The following MICU3 variants were observed in gnomAD, a reference collection of about 807,000 sequenced individuals.
The protein encoded by MICU3 is mitochondrial calcium uptake 3, also known as calcium uptake protein 3, mitochondrial.
In MICU3, 62 loss-of-function variants were observed where a neutral mutation model predicts 66.5. The observed-to-expected ratio is 0.93, with a 90% CI of 0.76 to 1.15. The LOEUF (loss-of-function observed/expected upper bound fraction) is 1.15, where lower values mean the gene tolerates loss of function less well. Ranked by LOEUF, MICU3 falls within the 50% of genes most tolerant of loss-of-function variation. The probability of loss-of-function intolerance (pLI) is 0.00; values close to 1 mark genes in which losing one functional copy is unlikely to be tolerated. For missense variants in MICU3, 779 were observed against 664.4 expected (o/e 1.17, Z -1.90); for synonymous variants, 308 against 240.7 (o/e 1.28, Z -2.59).
chr8:17,062,976 T>C (rs1217957538), intron 1 of MICU3, among the ~76,000 whole-genome samples: 2 of 152,140 alleles, frequency 1.3e-5, no homozygotes, highest in African/African-American at 4.8e-5. Flanking sequence ...TAGCAAAAGA[T>C]TAGAAGTCAA....
chr8:17,042,656 T>C (rs1031543701), intron 1 of MICU3, among the ~76,000 whole-genome samples: 1 of 152,208 alleles, frequency 6.6e-6, no homozygotes, highest in Non-Finnish European at 1.5e-5. Context: ...TAAAGAGTTA[T>C]TTTTCTAAAT....
intron 1 of MICU3, among the ~76,000 whole-genome samples, chr8:17,062,738 T>G (rs567055331): frequency 6.6e-6 from 1 of 152,274 alleles, no homozygotes; most frequent in East Asian, 1.9e-4. Flanking sequence ...CTAAAAAGTC[T>G]TCTTTGACTA....
At chr8:17,029,520 T>C (rs1295698462) in intron 1 of MICU3, among the ~76,000 whole-genome samples, 1 of 152,226 alleles carries the variant, frequency 6.6e-6, no homozygotes, top group Non-Finnish European at 1.5e-5. Context: ...TTTTGTACTT[T>C]TGTGCAGTTA....
chr8:17,045,264 C>G (rs1814876908), intron 1 of MICU3, among the ~76,000 whole-genome samples: 1 of 152,156 alleles, frequency 6.6e-6, no homozygotes, highest in Admixed American at 6.5e-5. Context: ...GACTCTCTCT[C>G]TCTTTCTCCT....
intron 3 of MICU3, among the ~76,000 whole-genome samples, chr8:17,072,481 A>G (rs1368221488): frequency 6.6e-6 from 1 of 151,990 alleles, no homozygotes; most frequent in Non-Finnish European, 1.5e-5. Flanking sequence ...TAAGACACAA[A>G]GCAAAACTCA....
intron 1 of MICU3, among the ~76,000 whole-genome samples, chr8:17,048,221 A>G (rs551226678): frequency 7.2e-4 from 109 of 152,358 alleles, no homozygotes; most frequent in African/African-American, 2.4e-3. Flanking sequence ...TTAATAAAAT[A>G]AAAAGAAGTC....
chr8:17,127,988 C>A, the MICU3 span, among the ~76,000 whole-genome samples: 6,936 of 152,178 alleles, frequency 0.046, 265 homozygotes, highest in East Asian at 0.17. Context: ...CACCAGGAAC[C>A]AGACCACATA....
the MICU3 span, among the ~76,000 whole-genome samples, chr8:17,135,533 T>G: frequency 2.6e-5 from 4 of 152,212 alleles, no homozygotes; most frequent in Non-Finnish European, 4.4e-5. Context: ...TTGATTCTCT[T>G]AGGTTTTCTG....
At chr8:17,129,159 C>T in the MICU3 span, among the ~76,000 whole-genome samples, 1 of 152,208 alleles carries the variant, frequency 6.6e-6, no homozygotes, top group East Asian at 1.9e-4. Flanking sequence ...CCTATCAGTA[C>T]CGCAGCTACC....
intron 8 of MICU3, among the ~76,000 whole-genome samples, chr8:17,096,615 A>G (rs1259423918): frequency 6.6e-6 from 1 of 151,888 alleles, no homozygotes; most frequent in Admixed American, 6.6e-5. Flanking sequence ...GATGTAAGAT[A>G]AAACAAAAAC....
intron 4 of MICU3, among the ~76,000 whole-genome samples, chr8:17,078,134 G>C (rs904801761): frequency 1.3e-5 from 2 of 151,512 alleles, no homozygotes; most frequent in African/African-American, 4.8e-5. Context: ...GACTTACATA[G>C]TTTAAAAAAT....
At chr8:17,095,307 T>G (rs936280780) in intron 8 of MICU3, among the ~76,000 whole-genome samples, 2 of 151,958 alleles carry the variant, frequency 1.3e-5, no homozygotes, top group African/African-American at 2.4e-5. Flanking sequence ...AAGGACTAGA[T>G]TAAGGATATA....
the MICU3 span, among the ~76,000 whole-genome samples, chr8:17,133,903 G>C: frequency 8.5e-5 from 13 of 152,142 alleles, no homozygotes; most frequent in Non-Finnish European, 1.8e-4. Context: ...GGCTGTTCTT[G>C]TAACTACATT....
At chr8:17,094,255 A>C (rs1343633909) in intron 8 of MICU3, among the ~76,000 whole-genome samples, 1 of 152,008 alleles carries the variant, frequency 6.6e-6, no homozygotes, top group Non-Finnish European at 1.5e-5. Context: ...TTTGCTGTTA[A>C]CAGTGGCTTT....
chr8:17,078,412 A>G (rs1398957888), intron 4 of MICU3, among the ~76,000 whole-genome samples: 12 of 152,058 alleles, frequency 7.9e-5, no homozygotes, highest in Admixed American at 7.9e-4. Context: ...AGCTTAATTC[A>G]TTAATTTAAA....
chr8:17,091,668 T>A (rs1337682543), intron 8 of MICU3, among the ~76,000 whole-genome samples: 1 of 152,086 alleles, frequency 6.6e-6, no homozygotes, highest in Non-Finnish European at 1.5e-5. Context: ...TCCATATAAG[T>A]AATTGTTTTG....
intron 1 of MICU3, among the ~76,000 whole-genome samples, chr8:17,062,839 A>T (rs1042811739): frequency 2.8e-4 from 42 of 151,480 alleles, no homozygotes; most frequent in African/African-American, 1.0e-3. Context: ...AGATCATGCC[A>T]CTGTACTCCA....
At chr8:17,067,075 G>C (rs1276404079) in intron 2 of MICU3, among the ~76,000 whole-genome samples, 1 of 151,548 alleles carries the variant, frequency 6.6e-6, no homozygotes, top group Non-Finnish European at 1.5e-5. Flanking sequence ...TTTCTAACCA[G>C]CACTTTTCAA....
chr8:17,111,754 C>G (rs1276620059), intron 11 of MICU3, among the ~76,000 whole-genome samples: 22 of 152,132 alleles, frequency 1.4e-4, no homozygotes, highest in Non-Finnish European at 4.4e-5. Flanking sequence ...GTTGTCATAG[C>G]ACCATTTATT....
Sources: allele counts gnomAD v4.1 joint callset (sites outside exome capture counted in the v4.1 genomes callset), GRCh38; gene constraint gnomAD v4.1.1; transcripts MANE v1.5; gene names NCBI Gene and HGNC (gene_info 2026-07-23, HGNC 2026-07-21).